ANXA8: variants seen among roughly 807,000 people sequenced by gnomAD.
ANXA8 encodes the protein VAC-beta.
ANXA8 carries 9 observed loss-of-function variants against 26.8 expected under a neutral mutation model. That is an observed-to-expected ratio of 0.34 (90% CI 0.20 to 0.59). The LOEUF (loss-of-function observed/expected upper bound fraction) is 0.59. Among genes scored for constraint, ANXA8 ranks in the 20% least tolerant of loss-of-function variants. ANXA8 has a pLI of 0.84. For missense variants in ANXA8, 83 were observed against 238.5 expected (o/e 0.35, Z 4.29); for synonymous variants, 39 against 94.8 (o/e 0.41, Z 3.42).
At chr10:47,561,021 A>T in the ANXA8 span, among the ~76,000 whole-genome samples, 2 of 149,350 alleles carry the variant, frequency 1.3e-5, no homozygotes, top group Non-Finnish European at 3.0e-5. Context: ...ATTATTTACA[A>T]TTTTTTTTTC....
chr10:47,620,575 A>T, the ANXA8 span, among the ~76,000 whole-genome samples: 4 of 98,966 alleles, frequency 4.0e-5, 1 homozygote, highest in Admixed American at 2.2e-4. Context: ...TTAAGAAAAG[A>T]AATATTTACT....
the ANXA8 span, among the ~76,000 whole-genome samples, chr10:47,966,585 T>C: frequency 2.7e-5 from 4 of 148,216 alleles, no homozygotes; most frequent in African/African-American, 9.9e-5. Context: ...CCCACGGCTG[T>C]AGGCCAGACT....
At chr10:47,704,928 C>G in the ANXA8 span, among the ~76,000 whole-genome samples, 854 of 152,126 alleles carry the variant, frequency 5.6e-3, 14 homozygotes, top group African/African-American at 0.02. Flanking sequence ...GATTTCAGTT[C>G]TTTTCAAGTT....
chr10:47,951,513 C>G, the ANXA8 span, among the ~76,000 whole-genome samples: 1 of 150,448 alleles, frequency 6.6e-6, no homozygotes, highest in African/African-American at 2.5e-5. Flanking sequence ...CCAATGTCCA[C>G]AAGGAATATA....
At chr10:47,960,686 C>T in the ANXA8 span, among the ~76,000 whole-genome samples, 1 of 148,854 alleles carries the variant, frequency 6.7e-6, no homozygotes, top group African/African-American at 2.6e-5. Flanking sequence ...CACCCGCACT[C>T]AGATTCAATA....
chr10:47,510,830 A>C, the ANXA8 span, among the ~76,000 whole-genome samples: 1 of 91,120 alleles, frequency 1.1e-5, no homozygotes, highest in Non-Finnish European at 2.1e-5. Context: ...ACTCCGTCTC[A>C]AAAAAAAAAA....
chr10:47,580,661 T>C, the ANXA8 span, among the ~76,000 whole-genome samples: 2 of 149,948 alleles, frequency 1.3e-5, no homozygotes, highest in Non-Finnish European at 2.9e-5. Flanking sequence ...GAGGATGGCT[T>C]CAGCTTGGGA....
the ANXA8 span, among the ~76,000 whole-genome samples, chr10:47,761,930 T>G: frequency 7.5e-6 from 1 of 134,056 alleles, no homozygotes; most frequent in Non-Finnish European, 1.6e-5. Context: ...GATTCTGGCT[T>G]AAAGAAGCCA....
the ANXA8 span, among the ~76,000 whole-genome samples, chr10:47,691,680 G>A: frequency 6.7e-6 from 1 of 150,206 alleles, no homozygotes; most frequent in Non-Finnish European, 1.5e-5. Flanking sequence ...GATTGCTTGA[G>A]CCCAGGAGGT....
chr10:47,498,287 G>A, the ANXA8 span, among the ~76,000 whole-genome samples: 1,001 of 136,110 alleles, frequency 7.4e-3, 3 homozygotes, highest in East Asian at 0.035. Flanking sequence ...TTCACTTAGC[G>A]TAATGTCCTC....
At chr10:47,594,085 C>A in the ANXA8 span, among the ~76,000 whole-genome samples, 1 of 148,274 alleles carries the variant, frequency 6.7e-6, no homozygotes, top group Non-Finnish European at 1.5e-5. Flanking sequence ...GAAGGCTGCA[C>A]TGTCAGCTTC....
chr10:47,649,566 G>A, the ANXA8 span, among the ~76,000 whole-genome samples: 8 of 151,182 alleles, frequency 5.3e-5, no homozygotes, highest in African/African-American at 2.0e-4. Context: ...GCACCACCAC[G>A]CCCGGCTAAT....
chr10:47,770,338 G>A, the ANXA8 span, among the ~76,000 whole-genome samples: 15 of 91,596 alleles, frequency 1.6e-4, no homozygotes, highest in African/African-American at 5.5e-4. Context: ...TGCACCGTGC[G>A]GCTGGCCTTG....
At chr10:47,529,185 T>C in the ANXA8 span, among the ~76,000 whole-genome samples, 3 of 143,454 alleles carry the variant, frequency 2.1e-5, 1 homozygote, top group Non-Finnish European at 4.6e-5. Flanking sequence ...TTACGACCCT[T>C]TGCAAGCATA....
the ANXA8 span, among the ~76,000 whole-genome samples, chr10:47,745,924 GCA>G: frequency 1.9e-4 from 29 of 151,042 alleles, no homozygotes; most frequent in African/African-American, 6.8e-4. Context: ...ACACAGATAT[GCA>G]TCTGCACAAT....
chr10:47,593,522 G>A, the ANXA8 span, among the ~76,000 whole-genome samples: 1 of 149,718 alleles, frequency 6.7e-6, no homozygotes, highest in Non-Finnish European at 1.5e-5. Flanking sequence ...CCACCTGCCA[G>A]CTCTTACTCT....
At chr10:47,492,292 G>A in the ANXA8 span, among the ~76,000 whole-genome samples, 1,021 of 145,300 alleles carry the variant, frequency 7.0e-3, 1 homozygote, top group African/African-American at 0.024. Context: ...GCACAGCACT[G>A]GGCAGAAGCG....
the ANXA8 span, among the ~76,000 whole-genome samples, chr10:47,918,367 G>GAAAGAA: frequency 5.8e-5 from 1 of 17,216 alleles, no homozygotes; most frequent in African/African-American, 3.5e-4. Context: ...GAGAGAGAGA[G>GAAAGAA]AGAGAGAGAG....
the ANXA8 span, among the ~76,000 whole-genome samples, chr10:47,590,518 G>A: frequency 6.8e-6 from 1 of 146,468 alleles, no homozygotes; most frequent in Non-Finnish European, 1.5e-5. Flanking sequence ...AGGAGCACAG[G>A]TTTTGGTTTG....
Sources: allele counts gnomAD v4.1 joint callset (sites outside exome capture counted in the v4.1 genomes callset), GRCh38; gene constraint gnomAD v4.1.1; transcripts MANE v1.5; gene names NCBI Gene and HGNC (gene_info 2026-07-23, HGNC 2026-07-21).